The following RHBDF2 variants were observed in gnomAD, a reference collection of about 807,000 sequenced individuals.
The protein encoded by RHBDF2 is rhomboid 5 homolog 2.
RHBDF2 carries 38 observed loss-of-function variants against 95.2 expected under a neutral mutation model. That is an observed-to-expected ratio of 0.40 (90% CI 0.31 to 0.52). The LOEUF is 0.52. RHBDF2 is among the 20% of genes least tolerant of loss of function. RHBDF2 has a pLI of 0.56. For synonymous variants in RHBDF2, 442 were observed against 462.0 expected (o/e 0.96, Z 0.55); for missense variants, 863 against 1,137.7 (o/e 0.76, Z 3.47).
chr17:76,472,190 C>T (rs2073596139), intron 18 of RHBDF2, 138 bp from the exon 19 acceptor site: 2 of 782,656 alleles, frequency 2.6e-6, no homozygotes, highest in Non-Finnish European at 2.0e-6. Flanking sequence ...AGGGGGTCGG[C>T]TGGAGCTGCT....
Position 76,471,861 on chromosome 17 carries a change from C to T in RHBDF2, c.2256G>A (p.Leu752=). 6.3e-7 allele frequency: 1 copy of T among 1,589,628 alleles called. No homozygotes were observed. The highest frequency in any genetic ancestry group is 8.6e-7 in the Non-Finnish European group (1 of 1,167,966). ...IAHIFGFLSG[L]LLAFAFLPYI... ...AGGGCAGGAAGGCGAAGGCCAGCAGCAGGCCACTGAGGAAGCCGAAGATGT... is the reference window on the plus strand; with the variant it reads ...AGGGCAGGAAGGCGAAGGCCAGCAGTAGGCCACTGAGGAAGCCGAAGATGT... The change falls in exon 19 of 19, where the codon CTG becomes CTA. Residue 752 remains leucine (L), a synonymous_variant. Transcript: ENST00000675367.
chr17:76,476,816 G>A lies in RHBDF2; in HGVS notation c.1115+14C>T. The A allele has an allele frequency of 1.3e-6, 2 of 1,582,726 alleles. No homozygotes were observed. Among genetic ancestry groups the A allele is most frequent in the South Asian group, 1.1e-5 (1 of 88,672 alleles). ...CTTCCAGGCTCTCCTGGGGGCTCCA[G>A]GGCGACACCTCACCGGTGGCTGTCG... On this transcript the variant is annotated intron_variant, in intron 9 of 18. Coordinates refer to ENST00000675367, the MANE Select transcript of RHBDF2 (RefSeq NM_001005498.4).
chr17:76,482,673 T>G (rs1252060276), intron 2 of RHBDF2, among the ~76,000 whole-genome samples: 2 of 152,048 alleles, frequency 1.3e-5, no homozygotes, highest in Admixed American at 6.5e-5. Flanking sequence ...CTTGGGAGGC[T>G]GAGGCACGAG....
At chr17:76,481,585 G>C (rs896567990) in intron 2 of RHBDF2, 40 bp from the exon 3 acceptor site, 9 of 1,551,524 alleles carry the variant, frequency 5.8e-6, no homozygotes, top group Non-Finnish European at 7.8e-6. Context: ...GGCGGTGCGG[G>C]GTGGCGCAGT....
intron 18 of RHBDF2, chr17:76,472,397 G>T: frequency 1.7e-6 from 1 of 580,382 alleles, no homozygotes. Flanking sequence ...GCGCACGGAG[G>T]CCATTTCCTA....
At chr17:76,501,308 G>A (rs1408482967) in intron 1 of RHBDF2, 45 bp downstream of exon 1, 2 of 152,140 alleles carry the variant, frequency 1.3e-5, no homozygotes, top group Non-Finnish European at 2.9e-5. Flanking sequence ...GGCGCCTGCG[G>A]CTGGGCGGCC....
Position 76,479,837 on chromosome 17 carries a change from G to T in RHBDF2, c.168C>A (p.Tyr56Ter), listed in dbSNP as rs768857587. Residue 56 changes from tyrosine to a stop codon, truncating the protein, a stop_gained, in exon 4 of 19, where the codon TAC becomes TAA. Coordinates refer to ENST00000675367, the MANE Select transcript of RHBDF2 (RefSeq NM_001005498.4). LOFTEE classifies it high-confidence loss of function. ...GCTCCTGGAGGCTGACGCTCTTCAA[G>T]TAGGCTGGGTTCTTCCTCTTGGGGA... ...SMLPERKNPAYLKSVSLQEPR... is the reference protein window; with the variant it reads ...SMLPERKNPA The T allele has an allele frequency of 1.9e-6, 3 of 1,613,008 alleles. No homozygotes were observed. The African/African-American group carries it at 4.0e-5, about 22-fold the overall frequency.
At chr17:76,490,033 G>A (rs2074257474) in intron 1 of RHBDF2, among the ~76,000 whole-genome samples, 1 of 152,208 alleles carries the variant, frequency 6.6e-6, no homozygotes, top group African/African-American at 2.4e-5. Context: ...CAGAGGCCTG[G>A]GGGTCCCCAG....
At chr17:76,472,276 T>C (rs918218294) in intron 18 of RHBDF2, 1 of 602,258 alleles carries the variant, frequency 1.7e-6, no homozygotes, top group African/African-American at 1.9e-5. Context: ...CTGGTGTGGG[T>C]CCGTAGCAAT....
chr17:76,496,912 C>T (rs1272917817), intron 1 of RHBDF2, among the ~76,000 whole-genome samples: 1 of 152,170 alleles, frequency 6.6e-6, no homozygotes, highest in East Asian at 1.9e-4. Flanking sequence ...CAGGTGCATG[C>T]CACCACACCT....
intron 1 of RHBDF2, among the ~76,000 whole-genome samples, chr17:76,494,780 G>T (rs1322826500): frequency 1.3e-5 from 2 of 152,094 alleles, no homozygotes; most frequent in African/African-American, 4.8e-5. Context: ...ATAAAACAAA[G>T]CTGCTGATGG....
chr17:76,495,460 T>C (rs529781593), intron 1 of RHBDF2, among the ~76,000 whole-genome samples: 1 of 152,336 alleles, frequency 6.6e-6, no homozygotes, highest in East Asian at 1.9e-4. Flanking sequence ...GGCAAGCCAC[T>C]TAACATCTCT....
In RHBDF2 at chr17:76,479,148, C is replaced by T; in HGVS notation, c.402G>A (p.Glu134=). ...AGGACGGTGCCTCCTGGCTGGGGAG[C>T]TCCAGGTCACGCTGGCACGAGGCCT... The part of the protein sequence containing the change: ...RLKASCQRDL[E]LPSQEAPSFQ... Residue 134 remains glutamate, a synonymous_variant, in exon 5 of 19, where the codon GAG becomes GAA. Transcript: ENST00000675367. 2 of 1,613,314 alleles carry T rather than the reference C, an allele frequency of 1.2e-6. No homozygotes were observed. Among genetic ancestry groups the T allele is most frequent in the Non-Finnish European group, 1.7e-6 (2 of 1,179,782 alleles).
intron 2 of RHBDF2, among the ~76,000 whole-genome samples, chr17:76,485,880 T>C (rs1242622508): frequency 6.6e-6 from 1 of 152,142 alleles, no homozygotes; most frequent in East Asian, 1.9e-4. Flanking sequence ...CACCTCTGCA[T>C]GAGTCCATTC....
intron 3 of RHBDF2, 39 bp downstream of exon 3, chr17:76,481,336 C>T: frequency 1.9e-6 from 3 of 1,585,680 alleles, no homozygotes; most frequent in Non-Finnish European, 2.6e-6. Flanking sequence ...CATCTGTTAC[C>T]TACGGCAGAA....
At chr17:76,498,706 T>TGCGTCACCCAAAGC in intron 1 of RHBDF2, among the ~76,000 whole-genome samples, 1 of 152,182 alleles carries the variant, frequency 6.6e-6, no homozygotes, top group South Asian at 2.1e-4. Context: ...GGGCCCCAAG[T>TGCGTCACCCAAAGC]GCGTCACCCA....
In RHBDF2 at chr17:76,474,515, C is replaced by T; in HGVS notation, c.1322G>A (p.Gly441Glu). The T allele has an allele frequency of 2.5e-6, 4 of 1,614,148 alleles. No homozygotes were observed. The highest frequency in any genetic ancestry group is 3.4e-6 in the Non-Finnish European group (4 of 1,180,022). Reference protein sequence around the residue: ...GPSSIDLIHLGAKFSPCIRKD... With the variant: ...GPSSIDLIHLEAKFSPCIRKD... ...CCGGATGCAGGGTGAGAACTTGGCC[C>T]CCAGGTGGATCAGGTCAATCTGGGG... The change falls in exon 12 of 19, where the codon GGG (glycine) becomes GAG (glutamate). Residue 441 changes from glycine to glutamate, a missense_variant. Coordinates refer to ENST00000675367, the MANE Select transcript of RHBDF2 (RefSeq NM_001005498.4).
intron 1 of RHBDF2, among the ~76,000 whole-genome samples, chr17:76,489,325 G>GTTTTTTTTTTTTT (rs71161301): frequency 7.6e-6 from 1 of 131,698 alleles, no homozygotes; most frequent in Non-Finnish European, 1.6e-5. Flanking sequence ...GGGCATTCCT[G>GTTTTTTTTTTTTT]TTTTTTTTTT....
At chr17:76,500,116 G>A (rs138385147) in intron 1 of RHBDF2, among the ~76,000 whole-genome samples, 24 of 152,174 alleles carry the variant, frequency 1.6e-4, no homozygotes, top group African/African-American at 5.8e-4. Flanking sequence ...CAGTGAGGGA[G>A]CATCATTGAG....
Sources: gnomAD v4.1 joint callset for allele counts (sites outside exome capture counted in the v4.1 genomes callset) on GRCh38, gnomAD v4.1.1 for gene constraint, MANE v1.5 for transcripts, NCBI Gene and HGNC (gene_info 2026-07-23, HGNC 2026-07-21) for gene names.